The following NEK7 variants were observed in gnomAD, a reference collection of about 807,000 sequenced individuals.
NEK7 encodes NIMA related kinase 7.
In NEK7, 18 loss-of-function variants were observed where a neutral mutation model predicts 44.6. That is an observed-to-expected ratio of 0.40 (90% confidence interval 0.28 to 0.60). NEK7 has a LOEUF of 0.60. Ranked by LOEUF, NEK7 falls within the 20% of genes least tolerant of loss-of-function variation. The pLI, the probability that NEK7 is intolerant of heterozygous loss-of-function variation, is 0.38. For synonymous variants in NEK7, 130 were observed against 121.1 expected (o/e 1.07, Z -0.48); for missense variants, 256 against 366.5 (o/e 0.70, Z 2.46).
chr1:198,318,264 T>C (rs546091562), intron 9 of NEK7, among the ~76,000 whole-genome samples: 1 of 152,128 alleles, frequency 6.6e-6, no homozygotes, highest in East Asian at 1.9e-4. Flanking sequence ...AGCTACAAAG[T>C]GCCTTCAACA....
chr1:198,183,906 A>G (rs1664840501), intron 1 of NEK7, among the ~76,000 whole-genome samples: 2 of 152,000 alleles, frequency 1.3e-5, no homozygotes, highest in South Asian at 4.2e-4. Context: ...TGTAAAAACA[A>G]TTTTTTTTCT....
chr1:198,305,842 G>A (rs1655008765), intron 9 of NEK7, among the ~76,000 whole-genome samples: 1 of 152,148 alleles, frequency 6.6e-6, no homozygotes, highest in Admixed American at 6.5e-5. Context: ...CGAGGAATTG[G>A]TGTTAGAGCT....
rs1052274789 is a variant in NEK7 at position 198,252,676 on chromosome 1, A to G, written c.58-364A>G. On this transcript the variant is annotated intron_variant, in intron 2 of 9. Coordinates refer to ENST00000367385, the MANE Select transcript of NEK7 (RefSeq NM_133494.3). The stretch of plus-strand genomic sequence containing the variant: ...TATGTATGTTTATATATTAAAACAT[A>G]TGTATGTTTATGTATTAAAACATGT... Among the ~76,000 whole-genome samples the G allele has an allele frequency of 2.4e-5, 3 of 124,838 alleles. No homozygotes were observed. In the East Asian group the frequency reaches 1.7e-3, roughly 71 times the overall value. 81.9% of individuals were successfully genotyped at this position (124,838 alleles called of 152,430 possible).
intron 1 of NEK7, among the ~76,000 whole-genome samples, chr1:198,228,295 G>A (rs902192942): frequency 6.6e-6 from 1 of 152,160 alleles, no homozygotes; most frequent in Admixed American, 6.5e-5. Flanking sequence ...TTGAAGTCAG[G>A]TAGTGTGATG....
Position 198,238,200 on chromosome 1 carries a change from C to A in NEK7, c.57+5563C>A, listed in dbSNP as rs80238708. The stretch of plus-strand genomic sequence containing the variant: ...CTTCAGTTGGAACACACTTCTCCCC[C>A]CCAGGACACTGCTTCCCCTGTAACC... On this transcript the variant is annotated intron_variant, in intron 2 of 9. Coordinates refer to ENST00000367385, the MANE Select transcript of NEK7 (RefSeq NM_133494.3). Among the ~76,000 whole-genome samples the A allele has an allele frequency of 4.6e-5, 7 of 152,218 alleles. No homozygotes were observed. In the East Asian group the frequency reaches 9.7e-4, roughly 21 times the overall value.
chr1:198,264,556 C>G (rs912389812), intron 5 of NEK7, among the ~76,000 whole-genome samples: 2 of 151,910 alleles, frequency 1.3e-5, no homozygotes, highest in African/African-American at 4.8e-5. Flanking sequence ...TCCTGTGTCT[C>G]TGGACATGAG....
chr1:198,231,336 T>TATATATAA (rs1445188102), intron 1 of NEK7, among the ~76,000 whole-genome samples: 3 of 132,856 alleles, frequency 2.3e-5, no homozygotes, highest in African/African-American at 8.7e-5. Flanking sequence ...TATATATATA[T>TATATATAA]AAAAACACAT....
intron 8 of NEK7, among the ~76,000 whole-genome samples, chr1:198,295,836 T>G (rs1203581613): frequency 1.3e-5 from 2 of 150,492 alleles, no homozygotes; most frequent in African/African-American, 4.9e-5. Flanking sequence ...ATTATTATTA[T>G]TATTGTGGTT....
intron 7 of NEK7, among the ~76,000 whole-genome samples, chr1:198,282,634 A>C (rs1192946313): frequency 6.6e-6 from 1 of 152,128 alleles, no homozygotes; most frequent in Non-Finnish European, 1.5e-5. Flanking sequence ...TAATATAATG[A>C]ATGCAAGTGT....
At chr1:198,274,264 GTTTT>G (rs1401530667) in intron 5 of NEK7, among the ~76,000 whole-genome samples, 4 of 150,984 alleles carry the variant, frequency 2.6e-5, no homozygotes, top group Non-Finnish European at 4.4e-5. Flanking sequence ...TTGTTTGTTT[GTTTT>G]TTATTTTTTT....
intron 9 of NEK7, among the ~76,000 whole-genome samples, chr1:198,308,172 G>C (rs1418363717): frequency 1.3e-5 from 2 of 152,094 alleles, no homozygotes; most frequent in African/African-American, 4.8e-5. Flanking sequence ...CTGCCATTAA[G>C]CAAGACTAAA....
intron 1 of NEK7, among the ~76,000 whole-genome samples, chr1:198,195,909 G>A (rs191580336): frequency 2.0e-5 from 3 of 152,192 alleles, no homozygotes; most frequent in East Asian, 3.9e-4. Flanking sequence ...TTATTAATCT[G>A]TATTTAAGGA....
intron 3 of NEK7, chr1:198,256,437 A>G (rs558245022): frequency 1.6e-5 from 26 of 1,610,238 alleles, no homozygotes; most frequent in African/African-American, 1.1e-4. Flanking sequence ...ACATTAACCA[A>G]TCTTTTTGAA....
intron 1 of NEK7, among the ~76,000 whole-genome samples, chr1:198,222,923 G>A (rs753960928): frequency 3.9e-5 from 6 of 152,164 alleles, no homozygotes; most frequent in East Asian, 3.9e-4. Context: ...GGCGAGGGCA[G>A]TTAGGGTAGA....
intron 1 of NEK7, among the ~76,000 whole-genome samples, chr1:198,219,275 ATTT>A (rs988464169): frequency 6.7e-6 from 1 of 149,570 alleles, no homozygotes; most frequent in Non-Finnish European, 1.5e-5. Context: ...ATAATTTTCT[ATTT>A]TTATATATAA....
chr1:198,164,805 C>T (rs936627070), intron 1 of NEK7, among the ~76,000 whole-genome samples: 1 of 152,132 alleles, frequency 6.6e-6, no homozygotes, highest in Non-Finnish European at 1.5e-5. Flanking sequence ...CTTGCCACAT[C>T]AATTGACTCT....
intron 6 of NEK7, 37 bp from the exon 7 acceptor site, chr1:198,278,917 C>T (rs1654104274): frequency 9.1e-7 from 1 of 1,096,962 alleles, no homozygotes; most frequent in Non-Finnish European, 1.4e-6. Context: ...TCTAAAATGT[C>T]TATCATCTTT....
intron 9 of NEK7, among the ~76,000 whole-genome samples, chr1:198,312,946 C>G (rs2103038814): frequency 6.6e-6 from 1 of 152,258 alleles, no homozygotes; most frequent in Admixed American, 6.5e-5. Flanking sequence ...CTGTAGATGT[C>G]TATTAGGTCC....
intron 1 of NEK7, among the ~76,000 whole-genome samples, chr1:198,169,407 T>A (rs976771327): frequency 5.3e-5 from 8 of 152,200 alleles, no homozygotes; most frequent in Non-Finnish European, 1.0e-4. Flanking sequence ...GTTTATGCTT[T>A]AAAAATATTT....
Sources: gnomAD v4.1 joint callset for allele counts (sites outside exome capture counted in the v4.1 genomes callset) on GRCh38, gnomAD v4.1.1 for gene constraint, MANE v1.5 for transcripts, NCBI Gene and HGNC (gene_info 2026-07-23, HGNC 2026-07-21) for gene names.